The following ERC1 variants were observed in gnomAD, a reference collection of about 807,000 sequenced individuals.
The protein encoded by ERC1 is RAB6 interacting protein 2.
In ERC1, 56 loss-of-function variants were observed where a neutral mutation model predicts 132.0. The observed-to-expected ratio is 0.42, with a 90% CI of 0.34 to 0.53. ERC1 has a LOEUF of 0.53. ERC1 is among the 20% of genes least tolerant of loss of function. The pLI, the probability that ERC1 is intolerant of heterozygous loss-of-function variation, is 0.03. For synonymous variants in ERC1, 478 were observed against 476.1 expected (o/e 1.00, Z -0.05); for missense variants, 1,202 against 1,349.9 (o/e 0.89, Z 1.72).
At chr12:1,361,175 A>C (rs1027894624) in intron 15 of ERC1, among the ~76,000 whole-genome samples, 1 of 145,242 alleles carries the variant, frequency 6.9e-6, no homozygotes, top group East Asian at 2.1e-4. Flanking sequence ...AACTGAGGAT[A>C]TGCTATTTCA....
chr12:1,295,487 A>G (rs2079847258), intron 15 of ERC1, among the ~76,000 whole-genome samples: 1 of 152,198 alleles, frequency 6.6e-6, no homozygotes, highest in Non-Finnish European at 1.5e-5. Flanking sequence ...ATGCTACAGA[A>G]TGAGAGTGGA....
chr12:1,346,991 G>A (rs572960438), intron 15 of ERC1, among the ~76,000 whole-genome samples: 1 of 151,320 alleles, frequency 6.6e-6, no homozygotes, highest in Admixed American at 6.6e-5. Context: ...AGGTTTTTTG[G>A]GTTTTGTTTG....
rs370534176 is a variant in ERC1 at position 1,112,202 on chromosome 12, A to C, written c.1318-13A>C. 1.8e-5 allele frequency: 29 copies of C among 1,588,948 alleles called. No homozygotes were observed. Among genetic ancestry groups the C allele is most frequent in the Non-Finnish European group, 2.5e-5 (29 of 1,158,050 alleles). On this transcript the variant is annotated splice_polypyrimidine_tract_variant and intron_variant, in intron 5 of 18. Transcript: ENST00000360905. ...TGACACATAAGTGAAAAAGAATAAT[A>C]ATGTCGTGACAGGTAGAACAACTGA... is the stretch of plus-strand genomic sequence containing the variant.
At chr12:1,238,170 T>TC (rs2075557141) in intron 13 of ERC1, among the ~76,000 whole-genome samples, 1 of 151,912 alleles carries the variant, frequency 6.6e-6, no homozygotes, top group Admixed American at 6.6e-5. Context: ...CCTTTTTTTT[T>TC]TTTTTAACAA....
chr12:1,331,599 A>G (rs956807532), intron 15 of ERC1, among the ~76,000 whole-genome samples: 16 of 152,242 alleles, frequency 1.1e-4, no homozygotes, highest in African/African-American at 3.4e-4. Context: ...CATCTGCTTG[A>G]TTCGTTATGC....
In ERC1 at chr12:1,361,623, G is replaced by A. The variant is rs564247221; in HGVS notation, c.2781-10210G>A. 8.5e-5 allele frequency among the ~76,000 whole-genome samples: 13 copies of A among 152,086 alleles called. No individual in the cohort carries two copies. The South Asian group carries it at 1.2e-3, about 15-fold the overall frequency. On this transcript the variant is annotated intron_variant, in intron 15 of 18. Transcript: ENST00000360905. The stretch of plus-strand genomic sequence containing the variant: ...ATATCTAAAAACTTAGCCTAAATTC[G>A]CATTCCACCGTCATGAATATGGAAT...
intron 1 of ERC1, among the ~76,000 whole-genome samples, chr12:1,016,635 CTTTTTTT>C (rs397967271): frequency 1.6e-5 from 2 of 128,076 alleles, no homozygotes; most frequent in Non-Finnish European, 3.3e-5. Flanking sequence ...CTTTTCTTTT[CTTTTTTT>C]TTTTTTTTTT....
chr12:1,055,239 G>C (rs1270348156), intron 2 of ERC1, among the ~76,000 whole-genome samples: 1 of 151,800 alleles, frequency 6.6e-6, no homozygotes, highest in Non-Finnish European at 1.5e-5. Flanking sequence ...GAGTGCAGTG[G>C]CGCGATCTCT....
intron 15 of ERC1, among the ~76,000 whole-genome samples, chr12:1,321,415 C>A (rs1466667419): frequency 6.6e-6 from 1 of 152,116 alleles, no homozygotes; most frequent in Admixed American, 6.5e-5. Context: ...CTGTTGTATT[C>A]ATACAATGCG....
At chr12:1,483,946 G>A (rs76422481) in intron 18 of ERC1, among the ~76,000 whole-genome samples, 42,348 of 151,156 alleles carry the variant, frequency 0.28, 6,149 homozygotes, top group Middle Eastern at 0.36. Flanking sequence ...CACCTGCCTC[G>A]GCCTCCCTGA....
In ERC1 at chr12:1,375,733, C is replaced by CTT. The variant is rs35535185; in HGVS notation, c.2925+3777_2925+3778dup. On this transcript the variant is annotated intron_variant, in intron 16 of 18. Transcript: ENST00000360905. The stretch of plus-strand genomic sequence containing the variant: ...GTCTCAGTAAGCATGGCTCTTGTTC[C>CTT]TTTTTTTTTTTTTTTTTTTTTTGAG... 5.1e-3 allele frequency among the ~76,000 whole-genome samples: 543 copies of CTT among 107,080 alleles called. 7 individuals are homozygous for CTT. Among genetic ancestry groups the CTT allele is most frequent in the African/African-American group, 0.021 (490 of 23,602 alleles). The allele number at this position is 107,080 out of a possible 152,430, so 70.2% of individuals were successfully genotyped here. A position where few individuals can be genotyped will look rare whatever the true frequency, so the allele number is the denominator to read the frequency against.
intron 18 of ERC1, 63 bp from the exon 19 acceptor site, chr12:1,490,030 A>G: frequency 6.5e-7 from 1 of 1,544,696 alleles, no homozygotes; most frequent in Non-Finnish European, 8.8e-7. Context: ...GATGAAAAAT[A>G]ATTCTTAGCT....
intron 7 of ERC1, among the ~76,000 whole-genome samples, chr12:1,124,475 G>A (rs1947922420): frequency 6.6e-6 from 1 of 152,016 alleles, no homozygotes; most frequent in African/African-American, 2.4e-5. Flanking sequence ...AAAATTTGTG[G>A]AACATAATTA....
chr12:1,214,942 CTT>C (rs1159322924), intron 12 of ERC1, among the ~76,000 whole-genome samples: 5 of 152,146 alleles, frequency 3.3e-5, no homozygotes, highest in Admixed American at 3.3e-4. Context: ...GCCCTTAAAA[CTT>C]TTGCTTTTAA....
intron 7 of ERC1, among the ~76,000 whole-genome samples, chr12:1,141,380 T>G (rs1010618878): frequency 6.6e-6 from 1 of 152,142 alleles, no homozygotes; most frequent in Non-Finnish European, 1.5e-5. Flanking sequence ...ACTAAGGGCT[T>G]GATTTAGCCC....
intron 16 of ERC1, among the ~76,000 whole-genome samples, chr12:1,388,007 CCT>C (rs2089557264): frequency 6.6e-6 from 1 of 152,142 alleles, no homozygotes. Flanking sequence ...CTTAAGACAG[CCT>C]CGGGGCAGAA....
At chr12:1,115,444 T>G (rs7973151) in intron 6 of ERC1, among the ~76,000 whole-genome samples, 40,555 of 152,056 alleles carry the variant, frequency 0.27, 5,755 homozygotes, top group African/African-American at 0.36. Context: ...AAAACCTTTT[T>G]TGTTATATCT....
At chr12:1,441,464 A>G (rs1293416729) in intron 17 of ERC1, among the ~76,000 whole-genome samples, 1 of 152,218 alleles carries the variant, frequency 6.6e-6, no homozygotes, top group African/African-American at 2.4e-5. Flanking sequence ...CTGTTTTACT[A>G]TAAGGAATTT....
chr12:1,394,058 A>G (rs2090277722), intron 16 of ERC1, among the ~76,000 whole-genome samples: 2 of 141,516 alleles, frequency 1.4e-5, no homozygotes, highest in African/African-American at 2.6e-5. Flanking sequence ...CAAAGCATTA[A>G]GCAATTTAAT....
Sources: gnomAD v4.1 joint callset for allele counts (sites outside exome capture counted in the v4.1 genomes callset) on GRCh38, gnomAD v4.1.1 for gene constraint, MANE v1.5 for transcripts, NCBI Gene and HGNC (gene_info 2026-07-23, HGNC 2026-07-21) for gene names.